NRXN1: variants seen among roughly 807,000 people sequenced by gnomAD.
NRXN1 encodes the protein neurexin-1.
A neutral mutation model predicts 150.9 loss-of-function variants in NRXN1; 39 were observed. That is an observed-to-expected ratio of 0.26 (90% CI 0.20 to 0.34). The LOEUF is 0.34. Among genes scored for constraint, NRXN1 ranks in the 10% least tolerant of loss-of-function variants. The pLI is 1.00. For synonymous variants in NRXN1, 924 were observed against 757.0 expected (o/e 1.22, Z -3.62); for missense variants, 1,815 against 1,949.9 (o/e 0.93, Z 1.30).
intron 2 of NRXN1, among the ~76,000 whole-genome samples, chr2:50,939,094 C>G (rs1424692280): frequency 1.3e-5 from 2 of 150,870 alleles, no homozygotes; most frequent in Non-Finnish European, 2.9e-5. Context: ...ACCTGTAGTC[C>G]CAGCTACCTG....
intron 4 of NRXN1, chr2:50,922,393 T>C: frequency 1.8e-6 from 1 of 570,680 alleles, no homozygotes; most frequent in East Asian, 3.0e-5. Context: ...ATAGAAACTT[T>C]CAATCACAAT....
intron 15 of NRXN1, among the ~76,000 whole-genome samples, chr2:50,481,012 G>GTT (rs2090417116): frequency 6.6e-6 from 1 of 152,150 alleles, no homozygotes; most frequent in Non-Finnish European, 1.5e-5. Flanking sequence ...GTTATATCTG[G>GTT]TTTTTGCCTG....
chr2:50,175,256 G>A (rs1221287655), intron 18 of NRXN1: 1 of 152,136 alleles, frequency 6.6e-6, no homozygotes, highest in Non-Finnish European at 1.5e-5. Context: ...AAGTGCACAT[G>A]CTTTCTAACT....
intron 7 of NRXN1, chr2:50,620,907 A>C (rs562256983): frequency 1.6e-3 from 258 of 165,270 alleles, no homozygotes; most frequent in Non-Finnish European, 1.8e-3. Context: ...GAATGGTTAG[A>C]GACTGGCTGA....
chr2:50,928,899 C>T (rs749317122), intron 2 of NRXN1, among the ~76,000 whole-genome samples: 1 of 151,964 alleles, frequency 6.6e-6, no homozygotes, highest in Non-Finnish European at 1.5e-5. Context: ...GATGACCACG[C>T]CACCTATAAA....
chr2:50,748,937 A>G (rs1700284341), intron 5 of NRXN1, among the ~76,000 whole-genome samples: 1 of 152,096 alleles, frequency 6.6e-6, no homozygotes, highest in African/African-American at 2.4e-5. Flanking sequence ...AAAAGTCCAA[A>G]AAAGATTCAT....
intron 18 of NRXN1, among the ~76,000 whole-genome samples, chr2:50,145,384 T>C (rs1022567128): frequency 6.6e-6 from 1 of 151,742 alleles, no homozygotes; most frequent in Admixed American, 6.6e-5. Flanking sequence ...CTCTTAAATA[T>C]TGTGTATTTC....
chr2:50,247,960 T>C (rs2066665319), intron 17 of NRXN1, among the ~76,000 whole-genome samples: 1 of 152,230 alleles, frequency 6.6e-6, no homozygotes, highest in East Asian at 1.9e-4. Context: ...AAATCTAAAA[T>C]TTCAAAATAA....
chr2:50,687,725 G>A (rs979988651), intron 5 of NRXN1, among the ~76,000 whole-genome samples: 6 of 152,176 alleles, frequency 3.9e-5, no homozygotes, highest in Admixed American at 6.5e-5. Context: ...TTGGGCAACC[G>A]CGTTAGGGTT....
chr2:50,460,446 A>G (rs572642846), intron 17 of NRXN1, among the ~76,000 whole-genome samples: 22 of 152,074 alleles, frequency 1.4e-4, no homozygotes, highest in African/African-American at 4.8e-4. Context: ...ATACAGCATT[A>G]CTCTATTCCC....
intron 5 of NRXN1, among the ~76,000 whole-genome samples, chr2:50,851,070 A>G (rs773328269): frequency 6.6e-6 from 1 of 152,192 alleles, no homozygotes; most frequent in Non-Finnish European, 1.5e-5. Flanking sequence ...AACCACCATA[A>G]TAGATTATGA....
intron 17 of NRXN1, among the ~76,000 whole-genome samples, chr2:50,321,714 T>C (rs564956150): frequency 1.3e-5 from 2 of 152,132 alleles, no homozygotes; most frequent in Admixed American, 6.6e-5. Flanking sequence ...TTAGCAGTTA[T>C]TAACTTCACT....
chr2:50,313,594 A>T (rs1430172386), intron 17 of NRXN1, among the ~76,000 whole-genome samples: 1 of 152,076 alleles, frequency 6.6e-6, no homozygotes, highest in African/African-American at 2.4e-5. Flanking sequence ...GGCAGGTATA[A>T]CAGGAACCGA....
At chr2:50,413,814 A>G (rs2083353215) in intron 17 of NRXN1, among the ~76,000 whole-genome samples, 2 of 152,190 alleles carry the variant, frequency 1.3e-5, no homozygotes, top group Non-Finnish European at 1.5e-5. Context: ...CATAAAGGAA[A>G]TGTGTTACAT....
chr2:50,773,367 A>C (rs1459126999), intron 5 of NRXN1, among the ~76,000 whole-genome samples: 1 of 152,180 alleles, frequency 6.6e-6, no homozygotes, highest in Non-Finnish European at 1.5e-5. Flanking sequence ...GAGACACAGA[A>C]AGAATATAAG....
chr2:50,257,055 C>A (rs2152905951), intron 17 of NRXN1, among the ~76,000 whole-genome samples: 1 of 151,972 alleles, frequency 6.6e-6, no homozygotes, highest in South Asian at 2.1e-4. Flanking sequence ...CTAACATTTC[C>A]ATGTATTTTT....
intron 17 of NRXN1, among the ~76,000 whole-genome samples, chr2:50,263,797 G>T (rs890681478): frequency 6.6e-6 from 1 of 152,128 alleles, no homozygotes; most frequent in Non-Finnish European, 1.5e-5. Flanking sequence ...CGCCTGTTTA[G>T]AGGGTGGCAG....
At chr2:50,144,215 G>A (rs1441149989) in intron 18 of NRXN1, among the ~76,000 whole-genome samples, 4 of 151,766 alleles carry the variant, frequency 2.6e-5, no homozygotes, top group Admixed American at 2.0e-4. Context: ...TTTCTAATTC[G>A]GACAGTAGCA....
chr2:50,957,612 G>A (rs970661539), intron 2 of NRXN1, among the ~76,000 whole-genome samples: 13 of 152,014 alleles, frequency 8.6e-5, no homozygotes, highest in African/African-American at 1.9e-4. Context: ...ATGATTCTGC[G>A]GCTTTATCAT....
Sources: allele counts gnomAD v4.1 joint callset (sites outside exome capture counted in the v4.1 genomes callset), GRCh38; gene constraint gnomAD v4.1.1; transcripts MANE v1.5; gene names NCBI Gene and HGNC (gene_info 2026-07-23, HGNC 2026-07-21).